SPAG1: variants seen among roughly 807,000 people sequenced by gnomAD.
SPAG1 encodes sperm associated antigen 1, also known as sperm-associated antigen 1.
A neutral mutation model predicts 100.5 loss-of-function variants in SPAG1; 69 were observed. The observed-to-expected ratio is 0.69, with a 90% CI of 0.57 to 0.84. The LOEUF is 0.84. Ranked by LOEUF, SPAG1 falls within the 40% of genes least tolerant of loss-of-function variation. The pLI is 0.00. For synonymous variants in SPAG1, 336 were observed against 411.6 expected (o/e 0.82, Z 2.22); for missense variants, 955 against 1,133.1 (o/e 0.84, Z 2.26).
intron 14 of SPAG1, among the ~76,000 whole-genome samples, chr8:100,227,440 C>A (rs1818564358): frequency 6.6e-6 from 1 of 152,134 alleles, no homozygotes; most frequent in South Asian, 2.1e-4. Flanking sequence ...TAGTGTTGGA[C>A]CCTCATTTTC....
intron 3 of SPAG1, among the ~76,000 whole-genome samples, chr8:100,172,285 A>G (rs1815894122): frequency 6.6e-6 from 1 of 152,074 alleles, no homozygotes; most frequent in Non-Finnish European, 1.5e-5. Flanking sequence ...ATATTTACTT[A>G]TATTTTCTCA....
intron 14 of SPAG1, among the ~76,000 whole-genome samples, chr8:100,225,559 A>C (rs1258865622): frequency 6.6e-6 from 1 of 151,706 alleles, no homozygotes; most frequent in Non-Finnish European, 1.5e-5. Context: ...CCTGGGTTCA[A>C]GCAATTCTCC....
At chr8:100,223,984 G>C (rs940793547) in intron 13 of SPAG1, among the ~76,000 whole-genome samples, 2 of 152,096 alleles carry the variant, frequency 1.3e-5, no homozygotes, top group African/African-American at 4.8e-5. Context: ...GTTGCGACTA[G>C]ATTTAACTAA....
At chr8:100,226,883 G>T (rs902837274) in intron 14 of SPAG1, among the ~76,000 whole-genome samples, 1 of 152,094 alleles carries the variant, frequency 6.6e-6, no homozygotes, top group African/African-American at 2.4e-5. Context: ...GATCCCATAA[G>T]ATTATATACT....
intron 10 of SPAG1, among the ~76,000 whole-genome samples, chr8:100,201,240 C>T (rs890461381): frequency 1.3e-5 from 2 of 152,106 alleles, no homozygotes; most frequent in South Asian, 2.1e-4. Context: ...ACCTCAGCCT[C>T]CCAGGTAGCC....
intron 3 of SPAG1, among the ~76,000 whole-genome samples, chr8:100,174,661 C>T (rs914197079): frequency 7.9e-5 from 12 of 152,210 alleles, no homozygotes; most frequent in Admixed American, 4.6e-4. Context: ...CTTGTGTAAT[C>T]GGAGCCCTTC....
At chr8:100,228,488 A>C (rs1490916369) in intron 14 of SPAG1, among the ~76,000 whole-genome samples, 1 of 151,572 alleles carries the variant, frequency 6.6e-6, no homozygotes, top group African/African-American at 2.4e-5. Flanking sequence ...TGAGGTGGGC[A>C]GATCGCCAGA....
chr8:100,217,336 T>C (rs1037167661), intron 12 of SPAG1, among the ~76,000 whole-genome samples: 2 of 152,204 alleles, frequency 1.3e-5, no homozygotes, highest in Non-Finnish European at 2.9e-5. Context: ...ATTTTACCTA[T>C]GAAAATAATT....
At position 100,199,002 on chromosome 8, in the gene SPAG1, G is replaced by T. The variant is rs540458919; in HGVS notation, c.1096+4734G>T. Among the ~76,000 whole-genome samples, 4 of 152,278 alleles carry T rather than the reference G, an allele frequency of 2.6e-5. No individual in the cohort carries two copies. In the South Asian group the frequency reaches 8.3e-4, roughly 32 times the overall value. ...ATATTCCATTGTGTAGATAATACCA[G>T]ATTTTCTTTATTCACCAGTTGATGG... On this transcript the variant is annotated intron_variant, in intron 10 of 18. Transcript: ENST00000388798.
intron 15 of SPAG1, among the ~76,000 whole-genome samples, chr8:100,232,681 G>T (rs758094913): frequency 6.6e-6 from 1 of 152,138 alleles, no homozygotes; most frequent in Non-Finnish European, 1.5e-5. Context: ...GCACAGCTTT[G>T]TTCCATCATC....
chr8:100,200,331 T>G (rs1817220366), intron 10 of SPAG1, among the ~76,000 whole-genome samples: 1 of 152,262 alleles, frequency 6.6e-6, no homozygotes, highest in African/African-American at 2.4e-5. Context: ...CACATTTTCT[T>G]AATCCAGTCT....
chr8:100,231,226 C>T lies in SPAG1; in HGVS notation c.1926C>T (p.Ala642=). ...TAAATGACAAAAACTATAAAGACGC[C>T]CTCAGTAAATACAGCGAATGCTTAA... is the stretch of plus-strand genomic sequence containing the variant. The part of the protein sequence containing the change: ...QCVNDKNYKD[A]LSKYSECLKI... The change falls in exon 15 of 19, where the codon GCC becomes GCT. Residue 642 remains alanine (A), a synonymous_variant. Coordinates refer to ENST00000388798, the MANE Select transcript of SPAG1 (RefSeq NM_003114.5). 1 of 1,605,164 alleles carries T rather than the reference C, an allele frequency of 6.2e-7. No homozygotes were observed. Among genetic ancestry groups the T allele is most frequent in the Non-Finnish European group, 8.5e-7 (1 of 1,173,638 alleles).
chr8:100,220,624 C>A (rs1352620488), intron 13 of SPAG1, among the ~76,000 whole-genome samples, 193 bp downstream of exon 13: 1 of 152,170 alleles, frequency 6.6e-6, no homozygotes, highest in East Asian at 1.9e-4. Flanking sequence ...TTAATTAATT[C>A]TGACTTGTCC....
chr8:100,201,932 C>T (rs1198274931), intron 10 of SPAG1, among the ~76,000 whole-genome samples: 2 of 152,188 alleles, frequency 1.3e-5, no homozygotes, highest in East Asian at 3.8e-4. Flanking sequence ...CAGTGAGCTG[C>T]TCCAGCAAAT....
At chr8:100,201,743 TCC>T (rs1323218110) in intron 10 of SPAG1, among the ~76,000 whole-genome samples, 1 of 152,034 alleles carries the variant, frequency 6.6e-6, no homozygotes, top group Non-Finnish European at 1.5e-5. Context: ...CAGAAGACCC[TCC>T]CCAGAGAGGG....
intron 3 of SPAG1, 45 bp from the exon 4 acceptor site, chr8:100,177,771 T>C: frequency 8.5e-7 from 1 of 1,174,174 alleles, no homozygotes; most frequent in Non-Finnish European, 1.2e-6. Flanking sequence ...TATGCTTGGT[T>C]ATAATTATTT....
At chr8:100,201,339 G>A (rs1177284691) in intron 10 of SPAG1, among the ~76,000 whole-genome samples, 1 of 151,704 alleles carries the variant, frequency 6.6e-6, no homozygotes, top group African/African-American at 2.4e-5. Flanking sequence ...TACTCAGGGT[G>A]GTCTTGAACC....
chr8:100,175,816 A>G (rs938503226), intron 3 of SPAG1, among the ~76,000 whole-genome samples: 1 of 152,146 alleles, frequency 6.6e-6, no homozygotes, highest in East Asian at 1.9e-4. Flanking sequence ...AATACAGAAA[A>G]AGTGTTCTTG....
At chr8:100,191,670 G>A (rs1816821963) in intron 9 of SPAG1, among the ~76,000 whole-genome samples, 174 bp downstream of exon 9, 1 of 152,194 alleles carries the variant, frequency 6.6e-6, no homozygotes. Context: ...GTGGAAGAAA[G>A]CAGAATCTTA....
Sources: allele counts gnomAD v4.1 joint callset (sites outside exome capture counted in the v4.1 genomes callset), GRCh38; gene constraint gnomAD v4.1.1; transcripts MANE v1.5; gene names NCBI Gene and HGNC (gene_info 2026-07-23, HGNC 2026-07-21).